Variants in NRG4 observed in about 807,000 individuals in gnomAD.
NRG4 encodes pro-neuregulin-4, membrane-bound isoform.
Under a neutral mutation model 15.0 loss-of-function variants are expected in NRG4, and 10 were observed. That is an observed-to-expected ratio of 0.67 (90% confidence interval 0.41 to 1.13). The LOEUF is 1.13. NRG4 is among the 50% of genes most tolerant of loss of function. The pLI is 0.00. For synonymous variants in NRG4, 41 were observed against 50.1 expected, an observed-to-expected ratio of 0.82 and a Z score of 0.77; for missense variants, 139 against 140.2, an observed-to-expected ratio of 0.99 and a Z score of 0.04.
At chr15:76,036,236 C>T (rs893169092) in intron 4 of NRG4, among the ~76,000 whole-genome samples, 3 of 152,192 alleles carry the variant, frequency 2.0e-5, no homozygotes, top group African/African-American at 4.8e-5. Flanking sequence ...TAACAGCAGC[C>T]GGCCTGCTCC....
chr15:76,001,963 G>A (rs186489043), intron 3 of NRG4, among the ~76,000 whole-genome samples: 38 of 152,278 alleles, frequency 2.5e-4, no homozygotes, highest in African/African-American at 9.1e-4. Context: ...TCCAAAGTGC[G>A]TAACTTTCAG....
chr15:75,940,097 C>T (rs921023983), downstream of NRG4: 11 of 141,132 alleles, frequency 7.8e-5, no homozygotes, highest in South Asian at 2.2e-4. Flanking sequence ...TTAGACAACC[C>T]GAAAGATTCC....
chr15:76,012,329 A>T lies in NRG4; in HGVS notation c.-67T>A, dbSNP rs1360486732. On this transcript the variant is annotated 5_prime_UTR_variant, in exon 1 of 6. Coordinates refer to ENST00000394907, the MANE Select transcript of NRG4 (RefSeq NM_138573.4). Reference sequence around the variant, plus strand: ...TCAATAAAAACTTACATTCACACAAAAAATAAATTTTGTTGGACATGCAGT... The same window carrying T: ...TCAATAAAAACTTACATTCACACAATAAATAAATTTTGTTGGACATGCAGT... 1 of 152,232 alleles carries T rather than the reference A, an allele frequency of 6.6e-6. No homozygotes were observed. Among genetic ancestry groups the T allele is most frequent in the East Asian group, 1.9e-4 (1 of 5,196 alleles). The allele number at this position is 152,232 out of a possible 1,614,324, so 9.4% of individuals were successfully genotyped here.
intron 3 of NRG4, among the ~76,000 whole-genome samples, chr15:75,984,159 A>C (rs1187913645): frequency 6.6e-6 from 1 of 152,156 alleles, no homozygotes; most frequent in Non-Finnish European, 1.5e-5. Flanking sequence ...AGAATGTACA[A>C]CACCATCGGT....
In NRG4 at chr15:75,961,937, C is replaced by G. The variant is rs961903599; in HGVS notation, c.142G>C (p.Val48Leu). 4.3e-6 allele frequency: 7 copies of G among 1,613,480 alleles called. No individual in the cohort carries two copies. In the Admixed American group the frequency reaches 1.2e-4, roughly 27 times the overall value. Residue 48 changes from valine (V) to leucine (L), a missense_variant, in exon 4 of 6, where the codon GTT becomes CTT. Coordinates refer to ENST00000394907, the MANE Select transcript of NRG4 (RefSeq NM_138573.4). ...ENYTGARCEE[V>L]FLPGSSIQTK... ...TGGATGCTGGAGCCTGGGAGAAAAACCTCTTCACAACGAGCTCCTGTATAG... is the reference window on the plus strand; with the variant it reads ...TGGATGCTGGAGCCTGGGAGAAAAAGCTCTTCACAACGAGCTCCTGTATAG...
intron 2 of NRG4, among the ~76,000 whole-genome samples, chr15:76,009,790 C>T (rs2034741223): frequency 6.6e-6 from 1 of 152,028 alleles, no homozygotes; most frequent in African/African-American, 2.4e-5. Context: ...TCCTATATGA[C>T]AATCTAAATG....
At chr15:75,952,307 G>C (rs1342169003) in intron 5 of NRG4, among the ~76,000 whole-genome samples, 2 of 151,996 alleles carry the variant, frequency 1.3e-5, no homozygotes, top group Admixed American at 6.6e-5. Flanking sequence ...TGCCTGTTCT[G>C]GGCATTTCAT....
intron 3 of NRG4, among the ~76,000 whole-genome samples, chr15:76,003,402 G>GA (rs1234662137): frequency 6.6e-6 from 1 of 151,862 alleles, no homozygotes; most frequent in African/African-American, 2.4e-5. Context: ...CTACCAGAAA[G>GA]AAAAAAGATT....
chr15:75,935,879 C>G (rs569138949), downstream of NRG4: 31 of 152,142 alleles, frequency 2.0e-4, no homozygotes, highest in African/African-American at 6.3e-4. Context: ...GCTCCGCCTC[C>G]CAGGTTCACG....
chr15:75,953,881 C>A (rs1246627633), intron 5 of NRG4, among the ~76,000 whole-genome samples: 2 of 152,144 alleles, frequency 1.3e-5, no homozygotes, highest in East Asian at 3.8e-4. Flanking sequence ...GAGATGAGGT[C>A]TCACTATGTT....
At chr15:75,975,047 A>G (rs2033301330) in intron 3 of NRG4, among the ~76,000 whole-genome samples, 1 of 152,194 alleles carries the variant, frequency 6.6e-6, no homozygotes, top group South Asian at 2.1e-4. Flanking sequence ...TATTGGGTGC[A>G]TACATATTTA....
At chr15:76,060,089 G>T (rs532149651), upstream of NRG4, 1 of 145,088 alleles carries the variant, frequency 6.9e-6, no homozygotes, top group Non-Finnish European at 1.5e-5. Context: ...GTCGGGGCGG[G>T]GGGTGGGGGG....
At chr15:75,949,368 G>A (rs987981404) in intron 5 of NRG4, among the ~76,000 whole-genome samples, 1 of 142,528 alleles carries the variant, frequency 7.0e-6, no homozygotes, top group Non-Finnish European at 1.5e-5. Flanking sequence ...CTGAGGTCAT[G>A]CCACTGCACT....
intron 3 of NRG4, chr15:75,969,286 T>C (rs1347618688): frequency 6.6e-6 from 3 of 452,152 alleles, no homozygotes; most frequent in African/African-American, 2.0e-5. Context: ...CTGCGTGGTA[T>C]TCCTACATAG....
chr15:75,984,054 G>A (rs1435909121), intron 3 of NRG4, among the ~76,000 whole-genome samples: 1 of 152,056 alleles, frequency 6.6e-6, no homozygotes, highest in Non-Finnish European at 1.5e-5. Context: ...GGGGAGAGAC[G>A]AACAGGCAGA....
At position 75,972,544 on chromosome 15, in the gene NRG4, G is replaced by T. The variant is rs554407274; in HGVS notation, c.105-10570C>A. Among the ~76,000 whole-genome samples the T allele has an allele frequency of 5.9e-5, 9 of 152,206 alleles. No homozygotes were observed. In the East Asian group the frequency reaches 1.3e-3, roughly 23 times the overall value. ...TTTAATTCATCTTGAGTTAATTTTTGTATAAGGTGTAAGGAAGGGGTCCAG... is the reference window on the plus strand; with the variant it reads ...TTTAATTCATCTTGAGTTAATTTTTTTATAAGGTGTAAGGAAGGGGTCCAG... On this transcript the variant is annotated intron_variant, in intron 3 of 5. Transcript: ENST00000394907.
chr15:76,058,338 T>C (rs549857483), intron 1 of NRG4, among the ~76,000 whole-genome samples: 2 of 152,326 alleles, frequency 1.3e-5, no homozygotes, highest in East Asian at 1.9e-4. Context: ...CAAGTGTTTC[T>C]TCCTCTGAAA....
intron 3 of NRG4, chr15:76,005,788 G>A (rs180907548): frequency 1.0e-4 from 46 of 438,568 alleles, no homozygotes; most frequent in Middle Eastern, 3.4e-4. Flanking sequence ...CTTCATTGTT[G>A]TCATTTTCAT....
chr15:76,022,072 C>T (rs2035172291), intron 5 of NRG4, among the ~76,000 whole-genome samples: 1 of 152,132 alleles, frequency 6.6e-6, no homozygotes, highest in Admixed American at 6.5e-5. Context: ...AGGCGGAGCA[C>T]AGGCCATGAG....
Sources: gnomAD v4.1 joint callset for allele counts (sites outside exome capture counted in the v4.1 genomes callset) on GRCh38, gnomAD v4.1.1 for gene constraint, MANE v1.5 for transcripts, NCBI Gene and HGNC (gene_info 2026-07-23, HGNC 2026-07-21) for gene names.